Variants in ZCCHC24 observed in about 807,000 individuals in gnomAD.
The protein encoded by ZCCHC24 is zinc finger CCHC-type containing 24, also known as zinc finger CCHC domain-containing protein 24.
In ZCCHC24, 10 loss-of-function variants were observed where a neutral mutation model predicts 26.2. The observed-to-expected ratio is 0.38, with a 90% confidence interval of 0.24 to 0.65. The LOEUF is 0.65. Ranked by LOEUF, ZCCHC24 falls within the 30% of genes least tolerant of loss-of-function variation. The pLI is 0.54. For synonymous variants in ZCCHC24, 144 were observed against 147.1 expected, an observed-to-expected ratio of 0.98 and a Z score of 0.15; for missense variants, 243 against 329.1, an observed-to-expected ratio of 0.74 and a Z score of 2.03.
intron 2 of ZCCHC24, among the ~76,000 whole-genome samples, chr10:79,398,404 G>T (rs909272860): frequency 2.0e-5 from 3 of 152,194 alleles, no homozygotes; most frequent in South Asian, 2.1e-4. Flanking sequence ...TCAGCTCAGT[G>T]GTTGGCACAC....
Position 79,386,208 on chromosome 10 carries a change from A to T in ZCCHC24, c.*137T>A. On this transcript the variant is annotated 3_prime_UTR_variant, in exon 4 of 4. Coordinates refer to ENST00000372336, the MANE Select transcript of ZCCHC24 (RefSeq NM_153367.4). ...CAACACACACAAGACAAGGACGCTA[A>T]GAGCCCCCGGCCCAGCCCCGCAGGC... 1.4e-6 allele frequency: 1 copy of T among 717,380 alleles called. No homozygotes were observed. The highest frequency in any genetic ancestry group is 1.8e-5 in the African/African-American group (1 of 56,774). 44.4% of individuals were successfully genotyped at this position (717,380 alleles called of 1,614,324 possible).
rs1856877776 is a variant in ZCCHC24 at position 79,417,291 on chromosome 10, T to C, written c.447+15267A>G. Among the ~76,000 whole-genome samples, 11 of 138,720 alleles carry C rather than the reference T, an allele frequency of 7.9e-5. 3 individuals carry two copies. In the South Asian group the frequency reaches 2.9e-3, roughly 36 times the overall value. The allele number at this position is 138,720 out of a possible 152,430, so 91.0% of individuals were successfully genotyped here. A position where few individuals can be genotyped will look rare whatever the true frequency, so the allele number is the denominator to read the frequency against. ...CCCTGTTGGGTTTTACCCCTTGTCA[T>C]CATGCCTACTGCTTTGGGGGCACCC... On this transcript the variant is annotated intron_variant, in intron 2 of 3. Coordinates refer to ENST00000372336, the MANE Select transcript of ZCCHC24 (RefSeq NM_153367.4).
chr10:79,436,834 C>T (rs1029112519), intron 1 of ZCCHC24, among the ~76,000 whole-genome samples: 3 of 152,226 alleles, frequency 2.0e-5, no homozygotes, highest in African/African-American at 7.2e-5. Flanking sequence ...TAAGTGGAAG[C>T]CCCTGGGCCA....
chr10:79,413,440 G>T (rs921764414), intron 2 of ZCCHC24, among the ~76,000 whole-genome samples: 1 of 152,256 alleles, frequency 6.6e-6, no homozygotes, highest in Non-Finnish European at 1.5e-5. Flanking sequence ...CAGGCAGGCA[G>T]GAAACGGCCA....
chr10:79,440,694 G>T (rs778527980), intron 1 of ZCCHC24, among the ~76,000 whole-genome samples: 1 of 152,170 alleles, frequency 6.6e-6, no homozygotes, highest in Non-Finnish European at 1.5e-5. Flanking sequence ...AGGAAAGAGA[G>T]GCCATGAATA....
At chr10:79,428,617 T>A (rs1857081154) in intron 2 of ZCCHC24, among the ~76,000 whole-genome samples, 2 of 151,986 alleles carry the variant, frequency 1.3e-5, no homozygotes, top group Admixed American at 6.6e-5. Context: ...TAAATATAAT[T>A]TAAAAGTAAA....
At chr10:79,427,522 T>A (rs562671226) in intron 2 of ZCCHC24, among the ~76,000 whole-genome samples, 1 of 151,126 alleles carries the variant, frequency 6.6e-6, no homozygotes, top group South Asian at 2.1e-4. Context: ...AGGTTAGAAA[T>A]CACTAAAAGA....
At chr10:79,394,724 G>A (rs1856522633) in intron 2 of ZCCHC24, 1 of 835,432 alleles carries the variant, frequency 1.2e-6, no homozygotes, top group African/African-American at 1.8e-5. Flanking sequence ...ATGGTGGCTG[G>A]AAATTACTTC....
chr10:79,402,884 G>A (rs577312190), intron 2 of ZCCHC24, among the ~76,000 whole-genome samples: 7 of 152,264 alleles, frequency 4.6e-5, no homozygotes, highest in African/African-American at 1.4e-4. Context: ...GAACACAGCC[G>A]CACCTCTTAC....
chr10:79,423,031 C>G (rs766799354), intron 2 of ZCCHC24, among the ~76,000 whole-genome samples: 7 of 152,150 alleles, frequency 4.6e-5, no homozygotes, highest in East Asian at 1.9e-4. Context: ...AAGATATCAC[C>G]CACGTCAACA....
chr10:79,400,383 CAAT>C (rs1162453758), intron 2 of ZCCHC24, among the ~76,000 whole-genome samples: 5 of 152,108 alleles, frequency 3.3e-5, no homozygotes, highest in African/African-American at 7.2e-5. Context: ...GGATGAATGA[CAAT>C]AAAGCCACTA....
At chr10:79,443,644 T>C (rs1857317808) in intron 1 of ZCCHC24, among the ~76,000 whole-genome samples, 1 of 152,190 alleles carries the variant, frequency 6.6e-6, no homozygotes, top group East Asian at 1.9e-4. Flanking sequence ...AACAAACAAC[T>C]GAAAAGACGC....
At chr10:79,430,851 C>T (rs1353584989) in intron 2 of ZCCHC24, among the ~76,000 whole-genome samples, 2 of 152,190 alleles carry the variant, frequency 1.3e-5, no homozygotes, top group East Asian at 3.9e-4. Context: ...AAGCATACCT[C>T]CTCGGGGCTC....
At chr10:79,399,498 C>G (rs749672865) in intron 2 of ZCCHC24, among the ~76,000 whole-genome samples, 22 of 152,230 alleles carry the variant, frequency 1.4e-4, no homozygotes, top group Non-Finnish European at 2.6e-4. Context: ...CTGCCAGGAG[C>G]CTGGGCAAAG....
intron 2 of ZCCHC24, among the ~76,000 whole-genome samples, chr10:79,417,611 G>C (rs1007571853): frequency 6.6e-6 from 1 of 152,162 alleles, no homozygotes; most frequent in African/African-American, 2.4e-5. Context: ...TGTTACAAAA[G>C]AAAAGAGGAA....
chr10:79,445,019 C>A (rs987141373), intron 1 of ZCCHC24, among the ~76,000 whole-genome samples, 176 bp downstream of exon 1: 1 of 152,184 alleles, frequency 6.6e-6, no homozygotes, highest in East Asian at 1.9e-4. Context: ...ACCCGGCACC[C>A]CGGGGACTTC....
chr10:79,433,447 G>C (rs993193754), intron 1 of ZCCHC24, among the ~76,000 whole-genome samples: 5 of 152,228 alleles, frequency 3.3e-5, no homozygotes, highest in Admixed American at 3.3e-4. Context: ...CAGACATCTT[G>C]CTTAGCTTCA....
intron 2 of ZCCHC24, among the ~76,000 whole-genome samples, chr10:79,404,453 T>C (rs1240831521): frequency 6.6e-6 from 1 of 152,008 alleles, no homozygotes; most frequent in South Asian, 2.1e-4. Context: ...GTGGAAAGCT[T>C]CCGAATCACA....
chr10:79,404,197 C>T (rs1856677953), intron 2 of ZCCHC24, among the ~76,000 whole-genome samples: 2 of 152,232 alleles, frequency 1.3e-5, no homozygotes, highest in African/African-American at 4.8e-5. Context: ...CCCCGTGCCT[C>T]CAGCCCTGTG....
Sources: gnomAD v4.1 joint callset for allele counts (sites outside exome capture counted in the v4.1 genomes callset) on GRCh38, gnomAD v4.1.1 for gene constraint, MANE v1.5 for transcripts, NCBI Gene and HGNC (gene_info 2026-07-23, HGNC 2026-07-21) for gene names.